The following ZNF287 variants were observed in gnomAD, a reference collection of about 807,000 sequenced individuals.
The protein encoded by ZNF287 is zinc finger protein 287, also known as zinc finger protein with KRAB and SCAN domains 13.
A neutral mutation model predicts 73.7 loss-of-function variants in ZNF287; 31 were observed. The observed-to-expected ratio is 0.42, with a 90% CI of 0.32 to 0.57. ZNF287 has a LOEUF of 0.57. ZNF287 is among the 20% of genes least tolerant of loss of function. The pLI is 0.13. For synonymous variants in ZNF287, 301 were observed against 307.2 expected (o/e 0.98, Z 0.21); for missense variants, 641 against 909.3 (o/e 0.70, Z 3.79).
rs1244217415 is a variant in ZNF287, at chr17:16,549,450, G to A, written c.*2406C>T. 6.6e-6 allele frequency among the ~76,000 whole-genome samples: 1 copy of A among 152,128 alleles called. No individual in the cohort carries two copies. Among genetic ancestry groups the A allele is most frequent in the African/African-American group, 2.4e-5 (1 of 41,424 alleles). ...CAAGGGAAATAAGTGCTGTGTGAGG[G>A]ATGAAGCAGCATCAAAAAAATAAGA... On this transcript the variant is annotated 3_prime_UTR_variant, in exon 6 of 6. Transcript: ENST00000395825.
intron 3 of ZNF287, among the ~76,000 whole-genome samples, chr17:16,564,418 G>C (rs1907628580): frequency 6.6e-6 from 1 of 152,040 alleles, no homozygotes; most frequent in African/African-American, 2.4e-5. Context: ...ACCCAGGCTG[G>C]TCTCAAACTC....
intron 5 of ZNF287, among the ~76,000 whole-genome samples, chr17:16,555,103 G>A (rs770657263): frequency 3.9e-5 from 6 of 152,136 alleles, no homozygotes; most frequent in South Asian, 2.1e-4. Flanking sequence ...GATACGTTCT[G>A]AGAAATGTGG....
Position 16,551,979 on chromosome 17 carries a change from T to C in ZNF287, c.2163A>G (p.Gln721=), listed in dbSNP as rs1906698932. 6.2e-7 allele frequency: 1 copy of C among 1,614,018 alleles called. No homozygotes were observed. The highest frequency in any genetic ancestry group is 1.3e-5 in the African/African-American group (1 of 74,918). ...KDFSQRTCLI[Q]HQRIHTGEKP... is the part of the protein sequence containing the mutation. ...TCTCTCCTGTGTGAATTCTCTGGTG[T>C]TGAATAAGGCATGTTCTCTGGCTAA... is the stretch of plus-strand genomic sequence containing the variant. The change falls in exon 6 of 6, where the codon CAA becomes CAG. Residue 721 remains glutamine (Q), a synonymous_variant. Transcript: ENST00000395825.
rs1410029840 is a variant in ZNF287 at position 16,569,131 on chromosome 17, CAGCCCGGTCCTGAGA to C, written c.-393_-379del. On this transcript the variant is annotated 5_prime_UTR_variant, in exon 1 of 6. Transcript: ENST00000395825. The stretch of plus-strand genomic sequence containing the variant: ...TGTCCCGGCCAGGAGCTGCACGTTC[CAGCCCGGTCCTGAGA>C]AGCCCGGCCCAGAAACCCCGGCGCC... The C allele has an allele frequency of 6.6e-6, 1 of 152,472 alleles. No homozygotes were observed. Among genetic ancestry groups the C allele is most frequent in the South Asian group, 2.1e-4 (1 of 4,838 alleles). The allele number at this position is 152,472 out of a possible 1,614,324, so 9.4% of individuals were successfully genotyped here. A position where few individuals can be genotyped will look rare whatever the true frequency, so the allele number is the denominator to read the frequency against.
rs1906722172 is a variant in ZNF287, at chr17:16,552,253, C to G, written c.1889G>C (p.Ser630Thr). Reference sequence around the variant, plus strand: ...ATGTTGAGTAAGGTGCACACTCTGGCTGAATGCTTTCCCACACACACTGCA... The same window carrying G: ...ATGTTGAGTAAGGTGCACACTCTGGGTGAATGCTTTCCCACACACACTGCA... ...YKCSVCGKAF[S>T]QSVHLTQHQR... The change falls in exon 6 of 6, where the codon AGC (serine) becomes ACC (threonine). Residue 630 changes from serine to threonine, a missense_variant. This residue lies in a region of ZNF287 where 284 missense variants were observed against 466.8 expected (regional missense o/e 0.61). Transcript: ENST00000395825. The surrounding 1 kb of genome is among the most constrained non-coding windows in gnomAD (Gnocchi z 6.5). The G allele has an allele frequency of 6.2e-7, 1 of 1,613,850 alleles. No homozygotes were observed. The highest frequency in any genetic ancestry group is 1.3e-5 in the African/African-American group (1 of 74,898).
Position 16,563,694 on chromosome 17 carries a change from C to T in ZNF287, c.628+5G>A, listed in dbSNP as rs1269777748. 2 of 1,612,048 alleles carry T rather than the reference C, an allele frequency of 1.2e-6. No individual in the cohort carries two copies. The highest frequency in any genetic ancestry group is 2.2e-5 in the South Asian group (2 of 90,520). On this transcript the variant is annotated splice_donor_5th_base_variant and intron_variant, in intron 4 of 5. Transcript: ENST00000395825. ...CGGAGGAGGAGGGATGCAGATGATC[C>T]TTACCCAGAGAAACCATGTTCCAAT...
At chr17:16,560,623 C>T (rs1040936216) in intron 5 of ZNF287, among the ~76,000 whole-genome samples, 4 of 151,304 alleles carry the variant, frequency 2.6e-5, no homozygotes, top group Non-Finnish European at 5.9e-5. Context: ...GCTGGGATTA[C>T]AAGCGCGAGC....
At chr17:16,559,059 ACTT>A (rs1907254346) in intron 5 of ZNF287, 1 of 152,140 alleles carries the variant, frequency 6.6e-6, no homozygotes. Flanking sequence ...TACATAGTAT[ACTT>A]CTTTCATATA....
rs1370042678 is a variant in ZNF287 at position 16,562,940 on chromosome 17, C to T, written c.715+206G>A. ...TGTAGAAGGATAAAATGAGAAGAGA[C>T]ACGGGAAAAGTGTGTTAACAGTGAT... On this transcript the variant is annotated intron_variant, in intron 5 of 5. Coordinates refer to ENST00000395825, the MANE Select transcript of ZNF287 (RefSeq NM_020653.4). Among the ~76,000 whole-genome samples, 7 of 152,236 alleles carry T rather than the reference C, an allele frequency of 4.6e-5. No homozygotes were observed. In the East Asian group the frequency reaches 1.3e-3, roughly 29 times the overall value.
intron 2 of ZNF287, among the ~76,000 whole-genome samples, chr17:16,566,875 T>C (rs1025850715): frequency 5.3e-5 from 8 of 152,234 alleles, no homozygotes; most frequent in African/African-American, 1.7e-4. Flanking sequence ...TAAATCCTTA[T>C]GTGATATTAA....
intron 5 of ZNF287, among the ~76,000 whole-genome samples, chr17:16,556,005 T>C (rs1265341579): frequency 6.6e-6 from 1 of 151,628 alleles, no homozygotes; most frequent in Non-Finnish European, 1.5e-5. Flanking sequence ...TAGTTATTAA[T>C]AGAATAAGGG....
In ZNF287 at chr17:16,548,110, A is replaced by C. The variant is rs1906385165; in HGVS notation, c.*3746T>G. On this transcript the variant is annotated 3_prime_UTR_variant, in exon 6 of 6. Transcript: ENST00000395825. ...GAAAATTGTCATTTTGCAAACATTG[A>C]TGAGACAATGGATTCAGGCAACGAT... 6.6e-6 allele frequency among the ~76,000 whole-genome samples: 1 copy of C among 152,200 alleles called. No individual in the cohort carries two copies. Among genetic ancestry groups the C allele is most frequent in the Non-Finnish European group, 1.5e-5 (1 of 68,032 alleles).
rs916886831 is a variant in ZNF287 at position 16,569,152 on chromosome 17, G to T, written c.-399C>A. ...GTTCCAGCCCGGTCCTGAGAAGCCC[G>T]GCCCAGAAACCCCGGCGCCTCTGCT... On this transcript the variant is annotated 5_prime_UTR_variant, in exon 1 of 6. Coordinates refer to ENST00000395825, the MANE Select transcript of ZNF287 (RefSeq NM_020653.4). The T allele has an allele frequency of 3.3e-5, 5 of 152,410 alleles. No individual in the cohort carries two copies. The highest frequency in any genetic ancestry group is 7.3e-5 in the Non-Finnish European group (5 of 68,184). The allele number at this position is 152,410 out of a possible 1,614,324, so 9.4% of individuals were successfully genotyped here.
At position 16,549,861 on chromosome 17, in the gene ZNF287, T is replaced by A. The variant is rs1367448602; in HGVS notation, c.*1995A>T. On this transcript the variant is annotated 3_prime_UTR_variant, in exon 6 of 6. Transcript: ENST00000395825. The stretch of plus-strand genomic sequence containing the variant: ...TTAAGCAGTTCCCAAGTAAATGTTA[T>A]TTGTTGAACATTTCTTTGATATATG... Among the ~76,000 whole-genome samples the A allele has an allele frequency of 6.6e-6, 1 of 152,220 alleles. No individual in the cohort carries two copies. Among genetic ancestry groups the A allele is most frequent in the African/African-American group, 2.4e-5 (1 of 41,464 alleles).
chr17:16,555,848 T>G (rs545690079), intron 5 of ZNF287, among the ~76,000 whole-genome samples: 6 of 152,308 alleles, frequency 3.9e-5, no homozygotes, highest in Admixed American at 1.3e-4. Context: ...TAATCAAATA[T>G]GGAATTTATA....
chr17:16,565,495 A>G (rs1219897528), intron 3 of ZNF287, among the ~76,000 whole-genome samples: 4 of 151,666 alleles, frequency 2.6e-5, no homozygotes, highest in Middle Eastern at 3.4e-3. Flanking sequence ...TTCTGTAGTC[A>G]TTTTATCCAA....
intron 5 of ZNF287, among the ~76,000 whole-genome samples, chr17:16,560,307 GGT>G (rs199909656): frequency 0.014 from 1,808 of 131,684 alleles, 17 homozygotes; most frequent in African/African-American, 0.021. Flanking sequence ...AGTCAACAGT[GGT>G]GTATATATAT....
chr17:16,567,159 C>A (rs1392806569), intron 2 of ZNF287, among the ~76,000 whole-genome samples, 170 bp downstream of exon 2: 1 of 152,146 alleles, frequency 6.6e-6, no homozygotes, highest in Non-Finnish European at 1.5e-5. Context: ...CATGTTAAAG[C>A]CTTGTTCTCA....
Position 16,567,645 on chromosome 17 carries a change from G to A in ZNF287, c.87C>T (p.Pro29=), listed in dbSNP as rs1342783096. 6.2e-7 allele frequency: 1 copy of A among 1,614,168 alleles called. No homozygotes were observed. ...RWKSDKAQSG[P]YNVEKEILTS... is the part of the protein sequence containing the mutation. ...TAAGGATTTCCTTCTCAACATTGTA[G>A]GGTCCACTCTGAGCCTTGTCTGACT... The change falls in exon 2 of 6, where the codon CCC becomes CCT. Residue 29 remains proline, a synonymous_variant. Coordinates refer to ENST00000395825, the MANE Select transcript of ZNF287 (RefSeq NM_020653.4).
Sources: allele counts gnomAD v4.1 joint callset (sites outside exome capture counted in the v4.1 genomes callset), GRCh38; gene constraint gnomAD v4.1.1; regional missense constraint gnomAD v4.1.1; non-coding constraint Gnocchi (gnomAD v3.1); transcripts MANE v1.5; gene names NCBI Gene and HGNC (gene_info 2026-07-23, HGNC 2026-07-21).